Variants in EPHA6 observed in about 807,000 individuals in gnomAD.
EPHA6 encodes the protein ephrin type-A receptor 6.
A neutral mutation model predicts 112.0 loss-of-function variants in EPHA6; 50 were observed. The observed-to-expected ratio is 0.45, with a 90% CI of 0.36 to 0.56. The LOEUF (loss-of-function observed/expected upper bound fraction) is 0.56, where lower values mean the gene tolerates loss of function less well. Among genes scored for constraint, EPHA6 ranks in the 20% least tolerant of loss-of-function variants. EPHA6 has a pLI of 0.00. For synonymous variants in EPHA6, 529 were observed against 490.7 expected, an observed-to-expected ratio of 1.08 and a Z score of -1.03; for missense variants, 1,280 against 1,417.4, an observed-to-expected ratio of 0.90 and a Z score of 1.56.
chr3:96,907,498 C>T (rs935533136), intron 2 of EPHA6, among the ~76,000 whole-genome samples: 2 of 1,752 alleles, frequency 1.1e-3, no homozygotes, highest in African/African-American at 6.8e-3. Context: ...ATATTTCTCT[C>T]CTGTTATTAT....
chr3:97,510,388 G>A (rs754796422), intron 10 of EPHA6, among the ~76,000 whole-genome samples: 1 of 152,124 alleles, frequency 6.6e-6, no homozygotes, highest in Non-Finnish European at 1.5e-5. Flanking sequence ...CATCCTTTTT[G>A]TTGGTGTTGA....
chr3:97,315,517 A>G (rs1213674305), intron 5 of EPHA6, among the ~76,000 whole-genome samples: 1 of 151,726 alleles, frequency 6.6e-6, no homozygotes, highest in Non-Finnish European at 1.5e-5. Context: ...AAGAGAAAGG[A>G]TGATAGACAA....
intron 5 of EPHA6, among the ~76,000 whole-genome samples, chr3:97,381,671 C>T (rs1311747200): frequency 6.6e-6 from 1 of 152,140 alleles, no homozygotes; most frequent in Admixed American, 6.6e-5. Flanking sequence ...AGTGAAATTA[C>T]TAGCAGGTTT....
intron 3 of EPHA6, among the ~76,000 whole-genome samples, chr3:97,188,984 T>G (rs907913939): frequency 6.6e-6 from 1 of 151,874 alleles, no homozygotes; most frequent in Non-Finnish European, 1.5e-5. Flanking sequence ...GCTATTATTA[T>G]ATTTTATAAT....
At chr3:97,539,988 G>C (rs2092825829) in intron 11 of EPHA6, among the ~76,000 whole-genome samples, 1 of 152,150 alleles carries the variant, frequency 6.6e-6, no homozygotes. Context: ...AAAAAGCACT[G>C]TTATTAATTA....
intron 3 of EPHA6, among the ~76,000 whole-genome samples, chr3:97,105,016 A>G (rs190673827): frequency 9.9e-4 from 149 of 151,076 alleles, no homozygotes; most frequent in African/African-American, 3.4e-3. Flanking sequence ...TATTGTGTTT[A>G]TATGGATCTT....
intron 2 of EPHA6, among the ~76,000 whole-genome samples, chr3:96,931,201 G>C (rs1263649823): frequency 6.6e-6 from 1 of 152,060 alleles, no homozygotes; most frequent in Non-Finnish European, 1.5e-5. Context: ...TTAGAGCTCT[G>C]TTCATAGAAA....
At chr3:97,023,588 A>T (rs2107989096) in intron 3 of EPHA6, among the ~76,000 whole-genome samples, 1 of 152,146 alleles carries the variant, frequency 6.6e-6, no homozygotes, top group South Asian at 2.1e-4. Flanking sequence ...AGCAAACAAG[A>T]CTAATATCTA....
chr3:96,986,845 A>G (rs984217463), intron 2 of EPHA6, among the ~76,000 whole-genome samples: 2 of 152,310 alleles, frequency 1.3e-5, no homozygotes, highest in East Asian at 1.9e-4. Context: ...TATTTAATTG[A>G]CTATTGGCAA....
Position 97,021,700 on chromosome 3 carries a change from T to C in EPHA6, c.1114+33707T>C, listed in dbSNP as rs370077794. The stretch of plus-strand genomic sequence containing the variant: ...CTTGTGCACTTGTCTCTTCTTCTTA[T>C]CAGGACAACAATCCTATTGGTTTCA... On this transcript the variant is annotated intron_variant, in intron 3 of 17. Transcript: ENST00000389672. 9.2e-5 allele frequency among the ~76,000 whole-genome samples: 14 copies of C among 152,374 alleles called. No individual in the cohort carries two copies. In the South Asian group the frequency reaches 2.9e-3, roughly 32 times the overall value.
intron 3 of EPHA6, among the ~76,000 whole-genome samples, chr3:96,992,476 G>T (rs563841724): frequency 6.6e-6 from 1 of 152,134 alleles, no homozygotes; most frequent in African/African-American, 2.4e-5. Context: ...GTTATTTGGA[G>T]GTTTAACAGA....
intron 3 of EPHA6, among the ~76,000 whole-genome samples, chr3:97,190,220 G>A (rs1199652684): frequency 2.0e-5 from 3 of 152,054 alleles, no homozygotes; most frequent in Non-Finnish European, 4.4e-5. Context: ...TCTTTTCACT[G>A]TTACCACTTC....
intron 4 of EPHA6, among the ~76,000 whole-genome samples, chr3:97,236,419 A>T (rs1188676393): frequency 6.6e-6 from 1 of 152,028 alleles, no homozygotes; most frequent in African/African-American, 2.4e-5. Context: ...TTTTTCATGT[A>T]TTTAAATCAA....
At chr3:97,675,872 G>A (rs1448595043) in intron 14 of EPHA6, among the ~76,000 whole-genome samples, 2 of 152,042 alleles carry the variant, frequency 1.3e-5, no homozygotes, top group Non-Finnish European at 1.5e-5. Context: ...AAAAAGTGGA[G>A]GAATTAAAAG....
chr3:96,921,168 T>C (rs961787080), intron 2 of EPHA6, among the ~76,000 whole-genome samples: 1 of 152,122 alleles, frequency 6.6e-6, no homozygotes, highest in Non-Finnish European at 1.5e-5. Flanking sequence ...TAGTGGTATA[T>C]GTGATTTTAA....
At chr3:97,433,664 T>C (rs1459170749) in intron 6 of EPHA6, among the ~76,000 whole-genome samples, 2 of 152,110 alleles carry the variant, frequency 1.3e-5, no homozygotes, top group African/African-American at 4.8e-5. Flanking sequence ...GTTAGAAAAA[T>C]GTATATCAAA....
chr3:97,406,959 T>C (rs2107077945), intron 6 of EPHA6, among the ~76,000 whole-genome samples: 1 of 152,278 alleles, frequency 6.6e-6, no homozygotes, highest in Non-Finnish European at 1.5e-5. Flanking sequence ...TAACAAGCAA[T>C]GTGCATATAT....
intron 3 of EPHA6, among the ~76,000 whole-genome samples, chr3:97,072,129 A>G (rs1379118671): frequency 3.3e-5 from 5 of 152,144 alleles, no homozygotes; most frequent in African/African-American, 1.2e-4. Flanking sequence ...AATTGCAAAC[A>G]TATGGAACCA....
At chr3:97,695,178 T>G (rs943285901) in intron 14 of EPHA6, among the ~76,000 whole-genome samples, 1 of 152,206 alleles carries the variant, frequency 6.6e-6, no homozygotes, top group Non-Finnish European at 1.5e-5. Context: ...AATATCTGAT[T>G]TTGTATTACT....
Sources: allele counts gnomAD v4.1 joint callset (sites outside exome capture counted in the v4.1 genomes callset), GRCh38; gene constraint gnomAD v4.1.1; transcripts MANE v1.5; gene names NCBI Gene and HGNC (gene_info 2026-07-23, HGNC 2026-07-21).